CCAR1: variants seen among roughly 807,000 people sequenced by gnomAD.
CCAR1 encodes the protein cell division cycle and apoptosis regulator protein 1.
A neutral mutation model predicts 163.8 loss-of-function variants in CCAR1; 78 were observed. That is an observed-to-expected ratio of 0.48 (90% CI 0.40 to 0.57). The LOEUF (loss-of-function observed/expected upper bound fraction) is 0.57, where lower values mean the gene tolerates loss of function less well. Among genes scored for constraint, CCAR1 ranks in the 20% least tolerant of loss-of-function variants. CCAR1 has a pLI of 0.00. For missense variants in CCAR1, 1,019 were observed against 1,365.2 expected, an observed-to-expected ratio of 0.75 and a Z score of 4.00; for synonymous variants, 443 against 460.7, an observed-to-expected ratio of 0.96 and a Z score of 0.49.
At chr10:68,773,887 A>ATT (rs796904140) in intron 19 of CCAR1, among the ~76,000 whole-genome samples, 1 of 147,866 alleles carries the variant, frequency 6.8e-6, no homozygotes, top group African/African-American at 2.5e-5. Flanking sequence ...TAATTTTTAA[A>ATT]TTTTTTTTTT....
In CCAR1 at chr10:68,747,359, A is replaced by AT. The variant is rs751147625; in HGVS notation, c.634-9dup. 6.2e-7 allele frequency: 1 copy of AT among 1,604,246 alleles called. No homozygotes were observed. Among genetic ancestry groups the AT allele is most frequent in the South Asian group, 1.1e-5 (1 of 89,306 alleles). On this transcript the variant is annotated splice_polypyrimidine_tract_variant and intron_variant, in intron 7 of 24. Transcript: ENST00000265872. ...CAAAGATTTTTTTTCTTATTCTTTC[A>AT]TTTTTTAATTGAAGAATCAGTCGCA...
At chr10:68,751,408 TC>T (rs1346703304) in intron 10 of CCAR1, among the ~76,000 whole-genome samples, 1 of 152,192 alleles carries the variant, frequency 6.6e-6, no homozygotes, top group Non-Finnish European at 1.5e-5. Context: ...TCTGCATATT[TC>T]CGAGAAACCA....
At chr10:68,762,067 T>C (rs918591031) in intron 16 of CCAR1, among the ~76,000 whole-genome samples, 14 of 151,756 alleles carry the variant, frequency 9.2e-5, no homozygotes, top group African/African-American at 3.4e-4. Flanking sequence ...CGGTGGCTCA[T>C]GCCTGTAATC....
Position 68,737,907 on chromosome 10 carries a change from G to A in CCAR1, c.291+18G>A, listed in dbSNP as rs187617024. ...AACAACAGGTTAGTTTATATTTTCC[G>A]TGTTAAAAACTGATTTTAAAATAGC... On this transcript the variant is annotated intron_variant, in intron 4 of 24. Transcript: ENST00000265872. The A allele has an allele frequency of 1.5e-4, 237 of 1,553,228 alleles. No homozygotes were observed. The highest frequency in any genetic ancestry group is 1.2e-3 in the Admixed American group (65 of 52,930).
At chr10:68,724,947 T>C (rs894717980) in intron 2 of CCAR1, among the ~76,000 whole-genome samples, 6 of 152,138 alleles carry the variant, frequency 3.9e-5, no homozygotes, top group Non-Finnish European at 8.8e-5. Context: ...AAGACCAGCC[T>C]GACAAACATG....
In CCAR1 at chr10:68,749,135, G is replaced by A. The variant is rs772363949; in HGVS notation, c.827-1G>A. On this transcript the variant is annotated splice_acceptor_variant, in intron 8 of 24. Coordinates refer to ENST00000265872, the MANE Select transcript of CCAR1 (RefSeq NM_018237.4). LOFTEE classifies it high-confidence loss of function. Reference sequence around the variant, plus strand: ...ACGTTTTTTTCTTTTATCTTTTAAAGCTGGTTTATTGCAGCCTCCTGTTCG... The same window carrying A: ...ACGTTTTTTTCTTTTATCTTTTAAAACTGGTTTATTGCAGCCTCCTGTTCG... The A allele has an allele frequency of 6.2e-7, 1 of 1,613,762 alleles. No individual in the cohort carries two copies.
At chr10:68,775,688 T>C (rs3085664) in intron 19 of CCAR1, among the ~76,000 whole-genome samples, 1 of 4,340 alleles carries the variant, frequency 2.3e-4, no homozygotes, top group Non-Finnish European at 4.9e-4. Flanking sequence ...TTTTCTTTTC[T>C]TTTTTTTTTT....
chr10:68,728,540 G>C (rs563602903), intron 2 of CCAR1, among the ~76,000 whole-genome samples: 6 of 152,272 alleles, frequency 3.9e-5, no homozygotes, highest in African/African-American at 1.4e-4. Flanking sequence ...ATTGCCAGGA[G>C]CACTAGTCCT....
intron 3 of CCAR1, 142 bp downstream of exon 3, chr10:68,737,190 T>C (rs960643148): frequency 1.5e-6 from 1 of 670,378 alleles, no homozygotes; most frequent in Non-Finnish European, 2.6e-6. Context: ...ATGAATATTA[T>C]ATCTGACCAG....
chr10:68,786,494 G>T (rs781337886), intron 20 of CCAR1, 52 bp from the exon 21 acceptor site: 2 of 1,333,432 alleles, frequency 1.5e-6, no homozygotes, highest in Non-Finnish European at 2.1e-6. Flanking sequence ...CTTTTTGGGG[G>T]TAAAAAATTT....
chr10:68,767,251 T>C (rs1015156728), intron 17 of CCAR1, among the ~76,000 whole-genome samples: 6 of 142,428 alleles, frequency 4.2e-5, no homozygotes, highest in African/African-American at 9.8e-5. Flanking sequence ...TATTAATCTA[T>C]TTTTTGTATC....
chr10:68,789,986 A>G (rs1278177851), intron 24 of CCAR1, 71 bp downstream of exon 24: 67 of 932,950 alleles, frequency 7.2e-5, no homozygotes, highest in Non-Finnish European at 9.6e-5. Flanking sequence ...AATGTATTTT[A>G]ATGTTATTAA....
rs371079376 is a variant in CCAR1, at chr10:68,767,706, G to A, written c.2298+1627G>A. Among the ~76,000 whole-genome samples the A allele has an allele frequency of 7.2e-5, 11 of 152,064 alleles. No homozygotes were observed. The South Asian group carries it at 8.3e-4, about 11-fold the overall frequency. ...ATTACAGTTGCGCACTGCCAGCCCC[G>A]GCTAATTTTTGCATGTTGGCCAGTC... On this transcript the variant is annotated intron_variant, in intron 17 of 24. Transcript: ENST00000265872.
intron 10 of CCAR1, among the ~76,000 whole-genome samples, chr10:68,750,105 A>G (rs1430880100): frequency 6.6e-6 from 1 of 152,214 alleles, no homozygotes; most frequent in East Asian, 1.9e-4. Flanking sequence ...ACTCACATAC[A>G]TAATGTATTC....
At chr10:68,730,760 C>T (rs959288254) in intron 2 of CCAR1, among the ~76,000 whole-genome samples, 2 of 152,086 alleles carry the variant, frequency 1.3e-5, no homozygotes, top group Non-Finnish European at 2.9e-5. Flanking sequence ...GGTGCAGTCA[C>T]GCTCGCTGTA....
chr10:68,780,141 TGTGA>T (rs1400176482), intron 19 of CCAR1, among the ~76,000 whole-genome samples: 2 of 152,230 alleles, frequency 1.3e-5, no homozygotes, highest in Non-Finnish European at 2.9e-5. Flanking sequence ...TGGATTATAT[TGTGA>T]GTATTTTTCA....
intron 23 of CCAR1, 112 bp downstream of exon 23, chr10:68,788,440 AC>A: frequency 1.7e-6 from 1 of 595,428 alleles, no homozygotes; most frequent in Non-Finnish European, 2.6e-6. Context: ...GCATATGCAT[AC>A]CAGATATTTT....
rs764016369 is a variant in CCAR1 at position 68,754,735 on chromosome 10, A to G, written c.1366A>G (p.Ser456Gly). The G allele has an allele frequency of 5.6e-6, 9 of 1,605,270 alleles. No homozygotes were observed. In the East Asian group the frequency reaches 1.3e-4, roughly 24 times the overall value. The change falls in exon 12 of 25, where the codon AGT becomes GGT. Residue 456 changes from serine to glycine, a missense_variant. Around this residue, in one of 4 missense-constraint regions of CCAR1, gnomAD observed 644 missense variants for 904.4 expected, o/e 0.71. Transcript: ENST00000265872. ...ATAGGTAATGCTGATGGCTAGCCCT[A>G]GTATGGAAGATTTATATCATAAGTC... ...SAKVMLMASPSMEDLYHKSCA... is the reference protein window; with the variant it reads ...SAKVMLMASPGMEDLYHKSCA...
In CCAR1 at chr10:68,788,319, G is replaced by T. The variant is rs1241327776; in HGVS notation, c.3178G>T (p.Glu1060Ter). 6.4e-7 allele frequency: 1 copy of T among 1,559,504 alleles called. No homozygotes were observed. Among genetic ancestry groups the T allele is most frequent in the Non-Finnish European group, 8.6e-7 (1 of 1,161,932 alleles). The change falls in exon 23 of 25, where the codon GAA becomes TAA. Residue 1060 changes from glutamate to a stop codon, truncating the protein, a stop_gained. Transcript: ENST00000265872. LOFTEE classifies it high-confidence loss of function. ...AGAACAGAAGCTGCAGTTACTAGAA[G>T]AAAAAACAGGTAAGGGTCAGCTTTG... is the stretch of plus-strand genomic sequence containing the variant. The part of the protein sequence containing the change: ...EVEQKLQLLE[E>*]KTDEDEKTIL...
Sources: allele counts gnomAD v4.1 joint callset (sites outside exome capture counted in the v4.1 genomes callset), GRCh38; gene constraint gnomAD v4.1.1; regional missense constraint gnomAD v4.1.1; transcripts MANE v1.5; gene names NCBI Gene and HGNC (gene_info 2026-07-23, HGNC 2026-07-21).